The following RAP1B variants were observed in gnomAD, a reference collection of about 807,000 sequenced individuals.
The protein encoded by RAP1B is RAP1B, member of RAS oncogene family.
In RAP1B, 1 loss-of-function variant was observed where a neutral mutation model predicts 27.5. That is an observed-to-expected ratio of 0.04 (90% CI 0.01 to 0.17). RAP1B has a LOEUF of 0.17. Ranked by LOEUF, RAP1B falls within the 10% of genes least tolerant of loss-of-function variation. RAP1B has a pLI of 1.00. For synonymous variants in RAP1B, 75 were observed against 73.1 expected (o/e 1.03, Z -0.13); for missense variants, 84 against 214.8 (o/e 0.39, Z 3.81).
At chr12:68,613,464 C>T (rs920170495) in intron 1 of RAP1B, among the ~76,000 whole-genome samples, 1 of 151,892 alleles carries the variant, frequency 6.6e-6, no homozygotes, top group African/African-American at 2.4e-5. Flanking sequence ...CACCCACGAC[C>T]GCGTGAAAGT....
intron 1 of RAP1B, among the ~76,000 whole-genome samples, chr12:68,633,875 A>G (rs969676702): frequency 7.9e-5 from 12 of 152,188 alleles, no homozygotes; most frequent in Non-Finnish European, 1.5e-4. Context: ...GTCTCAAAAA[A>G]ACAAAAAAAC....
intron 1 of RAP1B, among the ~76,000 whole-genome samples, chr12:68,615,463 C>T (rs1870916267): frequency 6.6e-6 from 1 of 151,858 alleles, no homozygotes; most frequent in African/African-American, 2.4e-5. Context: ...GTGGGAGGTG[C>T]CTGTAATCCG....
chr12:68,621,361 T>C (rs74100997), intron 1 of RAP1B: 1 of 152,358 alleles, frequency 6.6e-6, no homozygotes, highest in African/African-American at 2.4e-5. Context: ...CTGACTATTA[T>C]TTATAGAGTT....
chr12:68,661,002 T>TTATAGAA lies in RAP1B; in HGVS notation c.*1755_*1761dup, dbSNP rs1874565394. The TTATAGAA allele has an allele frequency of 6.6e-6, 1 of 152,210 alleles. No individual in the cohort carries two copies. Among genetic ancestry groups the TTATAGAA allele is most frequent in the Non-Finnish European group, 1.5e-5 (1 of 68,028 alleles). 9.4% of individuals were successfully genotyped at this position (152,210 alleles called of 1,614,324 possible). On this transcript the variant is annotated 3_prime_UTR_variant, in exon 8 of 8. Coordinates refer to ENST00000250559, the MANE Select transcript of RAP1B (RefSeq NM_001010942.3). ...ATTGAATTCTGTAAGAACTGAATTC[T>TTATAGAA]TATAGAATTATTTTAAAACTTTTTA...
intron 1 of RAP1B, among the ~76,000 whole-genome samples, chr12:68,611,748 C>T (rs910464418): frequency 2.6e-5 from 4 of 152,116 alleles, no homozygotes; most frequent in African/African-American, 7.2e-5. Flanking sequence ...GGGGCCTTTC[C>T]CTTCGTCAGC....
Position 68,668,262 on chromosome 12 carries a change from A to C in RAP1B, c.*9013A>C, listed in dbSNP as rs1874931735. 1 of 152,208 alleles carries C rather than the reference A, an allele frequency of 6.6e-6. No individual in the cohort carries two copies. The highest frequency in any genetic ancestry group is 2.4e-5 in the African/African-American group (1 of 41,436). The allele number at this position is 152,208 out of a possible 1,614,324, so 9.4% of individuals were successfully genotyped here. A position where few individuals can be genotyped will look rare whatever the true frequency, so the allele number is the denominator to read the frequency against. On this transcript the variant is annotated 3_prime_UTR_variant, in exon 8 of 8. Transcript: ENST00000250559. ...CAACCAGGTTAGCCCTGGCAAGTTA[A>C]GACATTTTACAGTGCCACTACCTAC...
chr12:68,628,819 C>T (rs1872015083), intron 1 of RAP1B, among the ~76,000 whole-genome samples: 1 of 152,076 alleles, frequency 6.6e-6, no homozygotes, highest in Non-Finnish European at 1.5e-5. Flanking sequence ...CATTTTAAGT[C>T]CTTGATAGTC....
At chr12:68,620,645 G>C (rs1185121475) in intron 1 of RAP1B, among the ~76,000 whole-genome samples, 1 of 148,108 alleles carries the variant, frequency 6.8e-6, no homozygotes, top group Non-Finnish European at 1.5e-5. Context: ...CTGTCATCTA[G>C]GCTTGAGTGC....
intron 1 of RAP1B, among the ~76,000 whole-genome samples, chr12:68,616,098 A>C (rs1448348502): frequency 7.2e-6 from 1 of 139,158 alleles, no homozygotes; most frequent in Non-Finnish European, 1.6e-5. Flanking sequence ...CGAGTAGCTG[A>C]GACTACAGGC....
At chr12:68,619,199 T>C (rs1236833058) in intron 1 of RAP1B, among the ~76,000 whole-genome samples, 1 of 152,212 alleles carries the variant, frequency 6.6e-6, no homozygotes, top group African/African-American at 2.4e-5. Flanking sequence ...TCAATCTTCA[T>C]ATAATGCCAT....
At chr12:68,633,436 C>G (rs1361571583) in intron 1 of RAP1B, among the ~76,000 whole-genome samples, 1 of 152,224 alleles carries the variant, frequency 6.6e-6, no homozygotes, top group African/African-American at 2.4e-5. Context: ...TCTGTAGACC[C>G]TGCTTCATTG....
At chr12:68,616,049 C>T (rs1231641980) in intron 1 of RAP1B, among the ~76,000 whole-genome samples, 5 of 151,818 alleles carry the variant, frequency 3.3e-5, no homozygotes, top group Admixed American at 1.3e-4. Context: ...CTGCAAGCTC[C>T]GCCTCCAGGG....
intron 1 of RAP1B, chr12:68,642,810 C>T (rs1592452480): frequency 3.9e-6 from 4 of 1,023,474 alleles, no homozygotes; most frequent in African/African-American, 1.5e-5. Flanking sequence ...CCGGCCTTGG[C>T]CACGTTGGCC....
At chr12:68,644,896 T>G (rs1206340999) in intron 1 of RAP1B, among the ~76,000 whole-genome samples, 2 of 152,028 alleles carry the variant, frequency 1.3e-5, no homozygotes, top group East Asian at 4.0e-4. Context: ...TTGGCCAGGC[T>G]GGTCTTGAAC....
rs1458792017 is a variant in RAP1B at position 68,666,324 on chromosome 12, A to G, written c.*7075A>G. 1 of 152,058 alleles carries G rather than the reference A, an allele frequency of 6.6e-6. No homozygotes were observed. Among genetic ancestry groups the G allele is most frequent in the Non-Finnish European group, 1.5e-5 (1 of 68,000 alleles). 9.4% of individuals were successfully genotyped at this position (152,058 alleles called of 1,614,324 possible). On this transcript the variant is annotated 3_prime_UTR_variant, in exon 8 of 8. Coordinates refer to ENST00000250559, the MANE Select transcript of RAP1B (RefSeq NM_001010942.3). The stretch of plus-strand genomic sequence containing the variant: ...TGTTGATCTATTTCTATTGTTTTCT[A>G]AAAAAAAGTTAGTGTCCTAGTTTAA...
At chr12:68,648,300 T>G (rs953178866) in intron 1 of RAP1B, among the ~76,000 whole-genome samples, 2 of 152,220 alleles carry the variant, frequency 1.3e-5, no homozygotes, top group African/African-American at 4.8e-5. Flanking sequence ...ATATTATATT[T>G]ACCATTTATG....
At chr12:68,641,110 G>A (rs79406475) in intron 1 of RAP1B, 26,811 of 152,162 alleles carry the variant, frequency 0.18, 3,042 homozygotes, top group South Asian at 0.45. Context: ...TCCTGGGCTC[G>A]AGTGATGCTC....
intron 1 of RAP1B, chr12:68,627,512 G>A (rs1871891762): frequency 4.1e-6 from 1 of 243,676 alleles, no homozygotes; most frequent in Admixed American, 5.0e-5. Flanking sequence ...CGGGCTTCTG[G>A]GCCTTCACAT....
intron 1 of RAP1B, among the ~76,000 whole-genome samples, chr12:68,623,133 A>G (rs1475770011): frequency 6.6e-6 from 1 of 152,268 alleles, no homozygotes; most frequent in Non-Finnish European, 1.5e-5. Flanking sequence ...TAGTTACTAT[A>G]TGTTAGGATT....
Sources: allele counts gnomAD v4.1 joint callset (sites outside exome capture counted in the v4.1 genomes callset), GRCh38; gene constraint gnomAD v4.1.1; transcripts MANE v1.5; gene names NCBI Gene and HGNC (gene_info 2026-07-23, HGNC 2026-07-21).